The following GARRE1 variants were observed in gnomAD, a reference collection of about 807,000 sequenced individuals.
GARRE1 encodes granule associated Rac and RHOG effector 1, also known as granule associated Rac and RHOG effector protein 1.
Under a neutral mutation model 103.2 loss-of-function variants are expected in GARRE1, and 49 were observed. The ratio of observed to expected loss-of-function variants is 0.47; its 90% CI spans 0.38 to 0.60. The LOEUF (loss-of-function observed/expected upper bound fraction) is 0.60, where lower values mean the gene tolerates loss of function less well. Among genes scored for constraint, GARRE1 ranks in the 20% least tolerant of loss-of-function variants. GARRE1 has a pLI of 0.00. For missense variants in GARRE1, 1,199 were observed against 1,370.5 expected (o/e 0.87, Z 1.98); for synonymous variants, 505 against 532.8 (o/e 0.95, Z 0.72).
intron 2 of GARRE1, among the ~76,000 whole-genome samples, chr19:34,302,253 A>C (rs1307632532): frequency 6.7e-6 from 1 of 148,392 alleles, no homozygotes; most frequent in African/African-American, 2.5e-5. Flanking sequence ...CAGCCTCCCA[A>C]AGTGCTGGGA....
chr19:34,328,614 G>GT (rs1219013393), intron 6 of GARRE1, among the ~76,000 whole-genome samples: 1 of 151,016 alleles, frequency 6.6e-6, no homozygotes, highest in East Asian at 1.9e-4. Flanking sequence ...GTTTTGTTTT[G>GT]TTTTTTTGAG....
intron 2 of GARRE1, among the ~76,000 whole-genome samples, chr19:34,305,389 C>G (rs558380393): frequency 1.3e-5 from 2 of 152,170 alleles, no homozygotes; most frequent in African/African-American, 2.4e-5. Flanking sequence ...ACACTTTGTC[C>G]TCTCCTAGAA....
chr19:34,348,938 G>A, intron 11 of GARRE1, 78 bp from the exon 12 acceptor site: 1 of 1,551,864 alleles, frequency 6.4e-7, no homozygotes, highest in South Asian at 1.1e-5. Flanking sequence ...TGCAGGGTAA[G>A]GACTGCCCTT....
At chr19:34,271,249 T>C (rs1008719707) in intron 1 of GARRE1, among the ~76,000 whole-genome samples, 17 of 147,070 alleles carry the variant, frequency 1.2e-4, no homozygotes, top group African/African-American at 2.7e-4. Flanking sequence ...CACTTTCTTT[T>C]TTTTTTTTTT....
intron 2 of GARRE1, among the ~76,000 whole-genome samples, chr19:34,306,634 T>G (rs1473386169): frequency 6.6e-6 from 1 of 152,206 alleles, no homozygotes; most frequent in East Asian, 1.9e-4. Flanking sequence ...ACTAGCTGAC[T>G]AGTGCCTGTG....
intron 1 of GARRE1, chr19:34,285,271 T>C (rs1388274799): frequency 6.6e-6 from 1 of 152,146 alleles, no homozygotes; most frequent in African/African-American, 2.4e-5. Context: ...GACAAATGCT[T>C]AGGTAGGTAT....
intron 2 of GARRE1, among the ~76,000 whole-genome samples, chr19:34,309,764 ATAT>A (rs2074028379): frequency 6.6e-6 from 1 of 152,248 alleles, no homozygotes; most frequent in Non-Finnish European, 1.5e-5. Context: ...AAGACGTAAT[ATAT>A]CAGAGTACCC....
chr19:34,319,601 T>C (rs1050428680), intron 2 of GARRE1, among the ~76,000 whole-genome samples: 10 of 152,002 alleles, frequency 6.6e-5, no homozygotes, highest in African/African-American at 2.4e-4. Context: ...ACACCAGAAG[T>C]GGTGTGAGTC....
At chr19:34,309,842 G>A (rs1488446287) in intron 2 of GARRE1, among the ~76,000 whole-genome samples, 3 of 152,196 alleles carry the variant, frequency 2.0e-5, no homozygotes, top group Non-Finnish European at 2.9e-5. Context: ...AGAAAGGGGA[G>A]CATTATTGAG....
At chr19:34,314,582 G>A (rs550216558) in intron 2 of GARRE1, among the ~76,000 whole-genome samples, 3 of 152,164 alleles carry the variant, frequency 2.0e-5, no homozygotes, top group Admixed American at 1.3e-4. Context: ...CAGCAGTGAA[G>A]CAGCGTGTCT....
intron 2 of GARRE1, among the ~76,000 whole-genome samples, chr19:34,309,843 C>G (rs1192339638): frequency 6.6e-6 from 1 of 151,858 alleles, no homozygotes; most frequent in Non-Finnish European, 1.5e-5. Context: ...GAAAGGGGAG[C>G]ATTATTGAGT....
At chr19:34,269,961 C>A (rs1206213913) in intron 1 of GARRE1, among the ~76,000 whole-genome samples, 1 of 152,222 alleles carries the variant, frequency 6.6e-6, no homozygotes, top group African/African-American at 2.4e-5. Flanking sequence ...ATAGTCTGGG[C>A]TTGGTGGACC....
intron 1 of GARRE1, among the ~76,000 whole-genome samples, chr19:34,262,105 C>T (rs951534408): frequency 6.6e-6 from 1 of 151,936 alleles, no homozygotes; most frequent in South Asian, 2.1e-4. Context: ...CTGCCTCAGC[C>T]TCCCGAGTAG....
intron 1 of GARRE1, among the ~76,000 whole-genome samples, chr19:34,281,344 G>T (rs1383851334): frequency 6.6e-6 from 1 of 152,132 alleles, no homozygotes; most frequent in Non-Finnish European, 1.5e-5. Flanking sequence ...AGGCTGGAGT[G>T]CAGTGGTGTG....
At chr19:34,272,489 G>A (rs1043965745) in intron 1 of GARRE1, among the ~76,000 whole-genome samples, 3 of 152,114 alleles carry the variant, frequency 2.0e-5, no homozygotes, top group African/African-American at 4.8e-5. Flanking sequence ...GTGAGCTACC[G>A]TGCCCTGGCC....
intron 9 of GARRE1, 50 bp downstream of exon 9, chr19:34,340,042 A>G: frequency 6.2e-7 from 1 of 1,602,036 alleles, no homozygotes; most frequent in Non-Finnish European, 8.6e-7. Flanking sequence ...CAGTGTGACT[A>G]TGCACAGTTT....
intron 1 of GARRE1, among the ~76,000 whole-genome samples, chr19:34,269,717 AGACCT>A (rs2145956882): frequency 6.6e-6 from 1 of 152,310 alleles, no homozygotes; most frequent in South Asian, 2.1e-4. Context: ...GTGAGCCACC[AGACCT>A]GACCTTTGTT....
intron 1 of GARRE1, among the ~76,000 whole-genome samples, chr19:34,277,453 A>G (rs1427741577): frequency 2.0e-5 from 3 of 152,196 alleles, no homozygotes. Context: ...AGACCTATGA[A>G]AAAACACGTG....
At chr19:34,259,154 C>A (rs1025632098) in intron 1 of GARRE1, among the ~76,000 whole-genome samples, 13 of 152,224 alleles carry the variant, frequency 8.5e-5, no homozygotes, top group African/African-American at 3.1e-4. Context: ...AGCAACAGAG[C>A]GAGACCCTGT....
Sources: allele counts gnomAD v4.1 joint callset (sites outside exome capture counted in the v4.1 genomes callset), GRCh38; gene constraint gnomAD v4.1.1; transcripts MANE v1.5; gene names NCBI Gene and HGNC (gene_info 2026-07-23, HGNC 2026-07-21).